Variants in ANK2 observed in about 807,000 individuals in gnomAD.
The protein encoded by ANK2 is ankyrin 2.
Under a neutral mutation model 360.5 loss-of-function variants are expected in ANK2, and 83 were observed. The ratio of observed to expected loss-of-function variants is 0.23; its 90% CI spans 0.19 to 0.28. The LOEUF (loss-of-function observed/expected upper bound fraction) is 0.28. Among genes scored for constraint, ANK2 ranks in the 10% least tolerant of loss-of-function variants. The pLI, the probability that ANK2 is intolerant of heterozygous loss-of-function variation, is 1.00. For synonymous variants in ANK2, 1,740 were observed against 1,759.5 expected (o/e 0.99, Z 0.28); for missense variants, 4,201 against 4,795.7 (o/e 0.88, Z 3.66).
rs1050121769 is a variant in ANK2, at chr4:113,242,030, C to A, written c.793-81C>A. On this transcript the variant is annotated intron_variant, in intron 8 of 45. Coordinates refer to ENST00000357077, the MANE Select transcript of ANK2 (RefSeq NM_001148.6). ...AAATTACCACGTAGGTCACAACTTC[C>A]TTTGTGGCCTTTAACACAAAGGCAT... The A allele has an allele frequency of 1.7e-5, 19 of 1,123,366 alleles. No homozygotes were observed. The African/African-American group carries it at 2.5e-4, about 15-fold the overall frequency. 69.6% of individuals were successfully genotyped at this position (1,123,366 alleles called of 1,614,324 possible).
chr4:112,834,464 T>C (rs1331519395), intron 1 of ANK2, among the ~76,000 whole-genome samples: 3 of 152,240 alleles, frequency 2.0e-5, no homozygotes, highest in African/African-American at 7.2e-5. Flanking sequence ...TGCTCTTGTA[T>C]ATGTTAGAAA....
chr4:113,365,690 CTTA>C (rs1564119443), intron 41 of ANK2, among the ~76,000 whole-genome samples: 73 of 129,848 alleles, frequency 5.6e-4, no homozygotes, highest in Middle Eastern at 9.4e-3. Context: ...CTCTCTCTCT[CTTA>C]TCTCTATTTT....
intron 1 of ANK2, among the ~76,000 whole-genome samples, chr4:113,106,550 G>A (rs1412997489): frequency 6.6e-6 from 1 of 152,102 alleles, no homozygotes. Context: ...GGGATCAGTC[G>A]TAATCCTTAA....
At chr4:112,950,272 A>G (rs376602391) in intron 2 of ANK2, among the ~76,000 whole-genome samples, 59 of 152,300 alleles carry the variant, frequency 3.9e-4, no homozygotes, top group African/African-American at 1.3e-3. Context: ...TGTTGAGTAA[A>G]TGTGTAAATA....
chr4:113,369,112 T>C (rs762603139), intron 42 of ANK2, among the ~76,000 whole-genome samples: 2 of 152,248 alleles, frequency 1.3e-5, no homozygotes, highest in Non-Finnish European at 2.9e-5. Flanking sequence ...GGGATTTATG[T>C]AATTCTGCCA....
intron 2 of ANK2, among the ~76,000 whole-genome samples, chr4:113,041,406 C>A (rs1448808836): frequency 6.6e-6 from 1 of 152,118 alleles, no homozygotes; most frequent in African/African-American, 2.4e-5. Flanking sequence ...GGTGTGGCTT[C>A]TCAAATCTCT....
intron 1 of ANK2, among the ~76,000 whole-genome samples, chr4:113,084,924 T>A (rs1417104590): frequency 6.6e-6 from 1 of 152,210 alleles, no homozygotes; most frequent in Non-Finnish European, 1.5e-5. Flanking sequence ...TAGCCCCTTT[T>A]TGGACAAAGA....
intron 2 of ANK2, among the ~76,000 whole-genome samples, chr4:113,186,918 C>G (rs1255679286): frequency 6.6e-6 from 1 of 150,734 alleles, no homozygotes; most frequent in Admixed American, 6.6e-5. Flanking sequence ...TTTTTAGTCC[C>G]CATACTCAGT....
At position 113,354,031 on chromosome 4, in the gene ANK2, C is replaced by T; in HGVS notation, c.5413C>T (p.Pro1805Ser). The change falls in exon 38 of 46, where the codon CCA becomes TCA. Residue 1805 changes from proline (P) to serine (S), a missense_variant. Pro to Ser is a moderately conservative substitution (Grantham distance 74). Around this residue, in one of 4 missense-constraint regions of ANK2, gnomAD observed 2,642 missense variants for 2,714.5 expected, o/e 0.97. Transcript: ENST00000357077. ...CGTGCCAAAAAAGACCACCCACAGG[C>T]CACATCCAGCTGCGTCACCCTCTCT... ...EDVPKKTTHR[P>S]HPAASPSLKS... 1.9e-6 allele frequency: 3 copies of T among 1,614,046 alleles called. No individual in the cohort carries two copies. Among genetic ancestry groups the T allele is most frequent in the Non-Finnish European group, 2.5e-6 (3 of 1,179,996 alleles).
the ANK2 span, among the ~76,000 whole-genome samples, chr4:112,771,478 G>T: frequency 2.6e-5 from 4 of 152,120 alleles, no homozygotes; most frequent in South Asian, 2.1e-4. Flanking sequence ...AAGACCAAAA[G>T]AAATAATTAG....
chr4:112,748,127 A>G, the ANK2 span, among the ~76,000 whole-genome samples: 2 of 152,160 alleles, frequency 1.3e-5, no homozygotes, highest in Admixed American at 6.6e-5. Flanking sequence ...TTAATATTGT[A>G]TGATGTAGAA....
the ANK2 span, among the ~76,000 whole-genome samples, chr4:112,708,214 A>C: frequency 6.6e-6 from 1 of 152,192 alleles, no homozygotes; most frequent in Non-Finnish European, 1.5e-5. Flanking sequence ...ATTGTATTTT[A>C]ACTGTGTCAC....
intron 18 of ANK2, among the ~76,000 whole-genome samples, chr4:113,286,905 T>C (rs1046637934): frequency 2.6e-5 from 4 of 152,188 alleles, no homozygotes; most frequent in African/African-American, 4.8e-5. Flanking sequence ...GAGTGTGACA[T>C]TGGCTGAATA....
intron 45 of ANK2, among the ~76,000 whole-genome samples, chr4:113,376,662 G>C (rs1434193647): frequency 6.6e-6 from 1 of 151,872 alleles, no homozygotes. Flanking sequence ...TTTAACTTTT[G>C]ACTCTTTTGT....
At chr4:113,336,134 T>A in intron 30 of ANK2, 77 bp downstream of exon 30, 1 of 1,448,452 alleles carries the variant, frequency 6.9e-7, no homozygotes. Flanking sequence ...TCAAGGACTG[T>A]TACCTTTGTT....
intron 2 of ANK2, among the ~76,000 whole-genome samples, chr4:113,000,318 C>T (rs1273151920): frequency 6.6e-6 from 1 of 152,174 alleles, no homozygotes; most frequent in South Asian, 2.1e-4. Context: ...CACCTTCATT[C>T]ACGAAGGGAA....
At chr4:113,284,186 G>A (rs539339774) in intron 18 of ANK2, among the ~76,000 whole-genome samples, 8 of 152,312 alleles carry the variant, frequency 5.3e-5, no homozygotes, top group African/African-American at 1.7e-4. Context: ...CCGTGTATCA[G>A]ATGGACAATC....
chr4:113,028,944 A>G (rs1025442651), intron 2 of ANK2, among the ~76,000 whole-genome samples: 2 of 152,114 alleles, frequency 1.3e-5, no homozygotes, highest in Non-Finnish European at 2.9e-5. Context: ...AGTCAACTCA[A>G]TCATGGTGTA....
intron 1 of ANK2, among the ~76,000 whole-genome samples, chr4:112,866,785 G>A (rs1215162611): frequency 6.6e-6 from 1 of 152,108 alleles, no homozygotes; most frequent in East Asian, 1.9e-4. Flanking sequence ...CTCTGTGTTG[G>A]TCCTGCTCGG....
Sources: allele counts gnomAD v4.1 joint callset (sites outside exome capture counted in the v4.1 genomes callset), GRCh38; gene constraint gnomAD v4.1.1; regional missense constraint gnomAD v4.1.1; transcripts MANE v1.5; gene names NCBI Gene and HGNC (gene_info 2026-07-23, HGNC 2026-07-21).